KIF26B: variants seen among roughly 807,000 people sequenced by gnomAD.
KIF26B encodes kinesin family member 26B.
In KIF26B, 63 loss-of-function variants were observed where a neutral mutation model predicts 151.2. The ratio of observed to expected loss-of-function variants is 0.42; its 90% confidence interval spans 0.34 to 0.51. The LOEUF (loss-of-function observed/expected upper bound fraction) is 0.51, where lower values mean the gene tolerates loss of function less well. KIF26B is among the 20% of genes least tolerant of loss of function. KIF26B has a pLI of 0.07. For missense variants in KIF26B, 2,813 were observed against 2,913.6 expected (o/e 0.97, Z 0.79); for synonymous variants, 1,357 against 1,262.1 (o/e 1.08, Z -1.59).
chr1:245,536,305 T>A (rs1439257622), intron 4 of KIF26B, among the ~76,000 whole-genome samples: 1 of 152,176 alleles, frequency 6.6e-6, no homozygotes, highest in Non-Finnish European at 1.5e-5. Context: ...GAAAGACTCT[T>A]TCCTTCCTCT....
chr1:245,481,877 C>T (rs962490159), intron 4 of KIF26B, among the ~76,000 whole-genome samples: 1 of 151,718 alleles, frequency 6.6e-6, no homozygotes, highest in Admixed American at 6.6e-5. Context: ...CCTGACAGCA[C>T]GCTCCAGTCT....
At chr1:245,187,565 C>T (rs374673993) in intron 2 of KIF26B, among the ~76,000 whole-genome samples, 5 of 152,156 alleles carry the variant, frequency 3.3e-5, no homozygotes, top group Admixed American at 6.5e-5. Context: ...TTGCTGTGGT[C>T]GCTTTCTTTT....
At chr1:245,197,653 A>G (rs1443585798) in intron 2 of KIF26B, among the ~76,000 whole-genome samples, 4 of 152,212 alleles carry the variant, frequency 2.6e-5, no homozygotes, top group African/African-American at 4.8e-5. Context: ...ATAAAAATGT[A>G]TGAGTAATAC....
chr1:245,360,879 C>T (rs111488877), intron 2 of KIF26B, among the ~76,000 whole-genome samples: 2,486 of 152,130 alleles, frequency 0.016, 31 homozygotes, highest in Non-Finnish European at 0.026. Flanking sequence ...CCGGGTGTGG[C>T]GGTGAACGCC....
At chr1:245,316,269 C>T (rs1390215791) in intron 2 of KIF26B, among the ~76,000 whole-genome samples, 1 of 151,942 alleles carries the variant, frequency 6.6e-6, no homozygotes, top group African/African-American at 2.4e-5. Flanking sequence ...TTACAGGCAC[C>T]CGCCACCATG....
intron 2 of KIF26B, among the ~76,000 whole-genome samples, chr1:245,332,999 G>A (rs752713880): frequency 3.3e-5 from 5 of 152,146 alleles, no homozygotes; most frequent in African/African-American, 4.8e-5. Context: ...CATCATGGTG[G>A]TGCCAAGGAT....
rs1553332272 is a variant in KIF26B, at chr1:245,184,050, G to GTTTTTTGTTTTTTTTTTTTT, written c.465+27373_465+27374insGTTTTTTTTTTTTTTTTTTT. Among the ~76,000 whole-genome samples, 23 of 19,806 alleles carry GTTTTTTGTTTTTTTTTTTTT rather than the reference G, an allele frequency of 1.2e-3. 2 individuals carry two copies. The highest frequency in any genetic ancestry group is 2.4e-3 in the African/African-American group (16 of 6,612). 13.0% of individuals were successfully genotyped at this position (19,806 alleles called of 152,430 possible). ...GCAACAGGTATGGGTGGGAGTTGTT[G>GTTTTTTGTTTTTTTTTTTTT]TTTTTTTTTTTTTTTTTTTGAGCTT... On this transcript the variant is annotated intron_variant, in intron 2 of 14. Coordinates refer to ENST00000407071, the MANE Select transcript of KIF26B (RefSeq NM_018012.4).
rs763995733 is a variant in KIF26B at position 245,688,570 on chromosome 1, T to TGCAGCAGCGGCCACGGCAGCG, written c.5588_5608dup (p.Ser1869_Asp1870insGlySerSerGlyHisGlySer). 5 of 1,558,556 alleles carry TGCAGCAGCGGCCACGGCAGCG rather than the reference T, an allele frequency of 3.2e-6. No homozygotes were observed. The African/African-American group carries it at 6.8e-5, about 21-fold the overall frequency. On this transcript the variant is annotated inframe_insertion, in exon 12 of 15. Transcript: ENST00000407071. ...CACGCCCCCGCGGAGGCCCCACCGC[T>TGCAGCAGCGGCCACGGCAGCG]GCAGCAGCGGCCACGGCAGCGACAA... is the stretch of plus-strand genomic sequence containing the variant.
intron 4 of KIF26B, among the ~76,000 whole-genome samples, chr1:245,426,062 C>T (rs1658641877): frequency 6.6e-6 from 1 of 152,130 alleles, no homozygotes; most frequent in East Asian, 1.9e-4. Context: ...AAATACCTTT[C>T]CATTCTGTTA....
chr1:245,303,459 A>G (rs1323961488), intron 2 of KIF26B, among the ~76,000 whole-genome samples: 2 of 151,936 alleles, frequency 1.3e-5, no homozygotes, highest in African/African-American at 2.4e-5. Context: ...CGGCCTCCCA[A>G]AGTGCTGGGA....
chr1:245,346,971 C>T (rs1672468798), intron 2 of KIF26B, among the ~76,000 whole-genome samples: 1 of 152,130 alleles, frequency 6.6e-6, no homozygotes, highest in Non-Finnish European at 1.5e-5. Context: ...ATAACATTAA[C>T]TTCTTTACCC....
rs535183702 is a variant in KIF26B at position 245,284,819 on chromosome 1, A to T, written c.466-82015A>T. Among the ~76,000 whole-genome samples the T allele has an allele frequency of 4.0e-4, 61 of 152,232 alleles. 1 individual carries two copies. Among genetic ancestry groups the T allele is most frequent in the African/African-American group, 1.4e-3 (59 of 41,560 alleles). On this transcript the variant is annotated intron_variant, in intron 2 of 14. Transcript: ENST00000407071. ...TTTGGGAGGCTGAGGCGGGCGGATC[A>T]CCTGAGGTTGGGAGTTCAAGACCAG...
chr1:245,623,762 T>G (rs772920183), intron 9 of KIF26B, among the ~76,000 whole-genome samples: 6 of 152,248 alleles, frequency 3.9e-5, no homozygotes, highest in Non-Finnish European at 8.8e-5. Context: ...ATGAATTTAA[T>G]GTTTACGTTG....
intron 4 of KIF26B, among the ~76,000 whole-genome samples, chr1:245,468,893 C>T (rs1489363410): frequency 2.0e-5 from 3 of 152,114 alleles, no homozygotes; most frequent in Non-Finnish European, 4.4e-5. Flanking sequence ...ATTCCTTCAG[C>T]AAGTGAAACT....
chr1:245,185,689 G>T (rs1444556036), intron 2 of KIF26B, among the ~76,000 whole-genome samples: 2 of 152,062 alleles, frequency 1.3e-5, no homozygotes, highest in East Asian at 1.9e-4. Context: ...TTATTCACTT[G>T]TATTTCTAAT....
At chr1:245,287,792 C>A (rs116408224) in intron 2 of KIF26B, among the ~76,000 whole-genome samples, 352 of 152,200 alleles carry the variant, frequency 2.3e-3, no homozygotes, top group African/African-American at 8.1e-3. Context: ...CGTGAGGCAC[C>A]GCGCCCGGCC....
intron 2 of KIF26B, among the ~76,000 whole-genome samples, chr1:245,362,499 C>T (rs1380747781): frequency 6.6e-6 from 1 of 150,854 alleles, no homozygotes; most frequent in Admixed American, 6.6e-5. Context: ...GATCGCACCA[C>T]TGCGCTCCAG....
At chr1:245,457,038 G>A (rs1964004) in intron 4 of KIF26B, among the ~76,000 whole-genome samples, 35,865 of 152,018 alleles carry the variant, frequency 0.24, 4,370 homozygotes, top group East Asian at 0.31. Flanking sequence ...GCTAATTTTT[G>A]TATTTTTAGT....
At chr1:245,462,335 G>A (rs565333456) in intron 4 of KIF26B, among the ~76,000 whole-genome samples, 16 of 152,176 alleles carry the variant, frequency 1.1e-4, no homozygotes, top group South Asian at 6.2e-4. Context: ...AAAGAATGCC[G>A]CCATTACATA....
Sources: allele counts gnomAD v4.1 joint callset (sites outside exome capture counted in the v4.1 genomes callset), GRCh38; gene constraint gnomAD v4.1.1; transcripts MANE v1.5; gene names NCBI Gene and HGNC (gene_info 2026-07-23, HGNC 2026-07-21).